The following FIG4 variants were observed in gnomAD, a reference collection of about 807,000 sequenced individuals.
The protein encoded by FIG4 is polyphosphoinositide phosphatase.
FIG4 carries 112 observed loss-of-function variants against 118.6 expected under a neutral mutation model. The ratio of observed to expected loss-of-function variants is 0.94; its 90% confidence interval spans 0.81 to 1.11. The LOEUF is 1.11. Among genes scored for constraint, FIG4 ranks in the 50% least tolerant of loss-of-function variants. The pLI is 0.00. For synonymous variants in FIG4, 369 were observed against 381.2 expected (o/e 0.97, Z 0.37); for missense variants, 969 against 1,111.7 (o/e 0.87, Z 1.83).
At chr6:109,821,925 A>C (rs1779017128) in intron 22 of FIG4, among the ~76,000 whole-genome samples, 1 of 152,176 alleles carries the variant, frequency 6.6e-6, no homozygotes, top group African/African-American at 2.4e-5. Flanking sequence ...CTGTAATCCC[A>C]GCACTTTGGG....
chr6:109,806,024 G>A (rs1778554921), intron 22 of FIG4, among the ~76,000 whole-genome samples: 1 of 152,010 alleles, frequency 6.6e-6, no homozygotes, highest in South Asian at 2.1e-4. Flanking sequence ...ATGTCTTTTT[G>A]ACAGCTCTAC....
intron 6 of FIG4, among the ~76,000 whole-genome samples, chr6:109,736,569 C>T (rs1776164834): frequency 6.6e-6 from 1 of 152,130 alleles, no homozygotes. Context: ...ATTTGTAATA[C>T]AAAAGCTGAA....
At chr6:109,699,705 T>C (rs1406921887) in intron 1 of FIG4, among the ~76,000 whole-genome samples, 1 of 152,140 alleles carries the variant, frequency 6.6e-6, no homozygotes, top group Non-Finnish European at 1.5e-5. Context: ...GATTTCACCA[T>C]GTTGGCTAGC....
At chr6:109,786,490 T>C in intron 18 of FIG4, 41 bp downstream of exon 18, 5 of 1,608,066 alleles carry the variant, frequency 3.1e-6, no homozygotes, top group Non-Finnish European at 4.3e-6. Flanking sequence ...ATTTGAGAAC[T>C]GTAGTTTTCC....
chr6:109,759,327 T>C (rs1777026560), intron 10 of FIG4, among the ~76,000 whole-genome samples: 1 of 152,138 alleles, frequency 6.6e-6, no homozygotes, highest in Non-Finnish European at 1.5e-5. Flanking sequence ...GATATTGGGC[T>C]GATGGATGCA....
chr6:109,791,011 A>G (rs1398299588), intron 19 of FIG4, among the ~76,000 whole-genome samples: 1 of 152,196 alleles, frequency 6.6e-6, no homozygotes, highest in Non-Finnish European at 1.5e-5. Flanking sequence ...TTTATGAGTT[A>G]CAGCTAATTT....
intron 22 of FIG4, 108 bp downstream of exon 22, chr6:109,796,959 A>G: frequency 1.4e-6 from 1 of 740,500 alleles, no homozygotes; most frequent in Non-Finnish European, 2.4e-6. Flanking sequence ...CCAAATTAGT[A>G]TAAGCACCAA....
rs72384711 is a variant in FIG4, at chr6:109,795,595, CTTTT to C, written c.2460-1147_2460-1144del. Among the ~76,000 whole-genome samples, 27 of 69,534 alleles carry C rather than the reference CTTTT, an allele frequency of 3.9e-4. No homozygotes were observed. The East Asian group carries it at 0.011, about 28-fold the overall frequency. 45.6% of individuals were successfully genotyped at this position (69,534 alleles called of 152,430 possible). A position where few individuals can be genotyped will look rare whatever the true frequency, so the allele number is the denominator to read the frequency against. Reference sequence around the variant, plus strand: ...GAAATCTGTTCTTTTGGTTTCAGTCCTTTTTTTTTTTTTTTTTTTTTTTTTTGAG... The same window carrying C: ...GAAATCTGTTCTTTTGGTTTCAGTCCTTTTTTTTTTTTTTTTTTTTTTGAG... On this transcript the variant is annotated intron_variant, in intron 21 of 22. Coordinates refer to ENST00000230124, the MANE Select transcript of FIG4 (RefSeq NM_014845.6).
At chr6:109,728,386 C>T (rs150086657) in intron 4 of FIG4, among the ~76,000 whole-genome samples, 4 of 151,818 alleles carry the variant, frequency 2.6e-5, no homozygotes, top group East Asian at 1.9e-4. Context: ...ACCTTGGAAA[C>T]GTGGGAAAAG....
chr6:109,802,333 A>G (rs538427298), intron 22 of FIG4, among the ~76,000 whole-genome samples: 2 of 152,328 alleles, frequency 1.3e-5, no homozygotes, highest in East Asian at 3.9e-4. Context: ...AAAAAAATAC[A>G]GTAATTACTC....
chr6:109,768,399 C>T (rs776496938), intron 15 of FIG4, among the ~76,000 whole-genome samples: 33 of 152,172 alleles, frequency 2.2e-4, no homozygotes, highest in Non-Finnish European at 4.4e-4. Context: ...AGAGAGTTTG[C>T]AAAGCTGGTC....
chr6:109,732,670 T>C lies in FIG4; in HGVS notation c.480T>C (p.Ser160=). ...GAATATTTCAAAATGTGGACCTATCTAGCAATTTTTACTTTAGGTAAGTGT... is the reference window on the plus strand; with the variant it reads ...GAATATTTCAAAATGTGGACCTATCCAGCAATTTTTACTTTAGGTAAGTGT... ...YLRIFQNVDL[S]SNFYFSYSYD... Residue 160 remains serine, a synonymous_variant, in exon 5 of 23, where the codon TCT becomes TCC. Transcript: ENST00000230124. 6.5e-7 allele frequency: 1 copy of C among 1,528,768 alleles called. No individual in the cohort carries two copies. The highest frequency in any genetic ancestry group is 9.0e-7 in the Non-Finnish European group (1 of 1,110,064). 94.7% of individuals were successfully genotyped at this position (1,528,768 alleles called of 1,614,324 possible).
Position 109,762,198 on chromosome 6 carries a change from C to T in FIG4, c.1379C>T (p.Pro460Leu). Residue 460 changes from proline to leucine, a missense_variant, in exon 12 of 23, where the codon CCA becomes CTA. Physicochemically the swap from Pro to Leu is moderately conservative, Grantham distance 98. This residue lies in a region of FIG4 where 246 missense variants were observed against 354.3 expected (regional missense o/e 0.69). Transcript: ENST00000230124. ...GATTCTTACTGTAGCATTTTGCGGC[C>T]AGATGAAAAGTATGTATGGTATTTT... ...RPDSYCSILR[P>L]DEKWNELGGC... is the part of the protein sequence containing the mutation. 1 of 1,594,992 alleles carries T rather than the reference C, an allele frequency of 6.3e-7. No homozygotes were observed. The highest frequency in any genetic ancestry group is 1.7e-4 in the Middle Eastern group (1 of 6,024).
At chr6:109,813,915 T>C (rs1297316609) in intron 22 of FIG4, among the ~76,000 whole-genome samples, 3 of 152,180 alleles carry the variant, frequency 2.0e-5, no homozygotes, top group East Asian at 1.9e-4. Flanking sequence ...CGTTAAGCCT[T>C]GAGTTGACAG....
chr6:109,776,064 A>T (rs995274464), intron 15 of FIG4, among the ~76,000 whole-genome samples: 2 of 152,206 alleles, frequency 1.3e-5, no homozygotes, highest in Admixed American at 6.5e-5. Flanking sequence ...ACTTCAATAT[A>T]CAGGGCTCTG....
intron 1 of FIG4, among the ~76,000 whole-genome samples, chr6:109,710,917 A>G: frequency 6.6e-6 from 1 of 152,072 alleles, no homozygotes; most frequent in East Asian, 1.9e-4. Context: ...TTTAAAAAAA[A>G]AAAATAGCTG....
At position 109,773,962 on chromosome 6, in the gene FIG4, C is replaced by T. The variant is rs149524160; in HGVS notation, c.1751-2960C>T. Among the ~76,000 whole-genome samples, 724 of 152,238 alleles carry T rather than the reference C, an allele frequency of 4.8e-3. 3 individuals carry two copies. The highest frequency in any genetic ancestry group is 0.015 in the African/African-American group (631 of 41,556). ...TAGCTGGGACTATAGGCGTGTGCCA[C>T]CATGCCCAGCTCATATTTTTTATTA... On this transcript the variant is annotated intron_variant, in intron 15 of 22. Transcript: ENST00000230124.
chr6:109,725,251 C>G (rs959074972), intron 3 of FIG4, among the ~76,000 whole-genome samples: 6 of 152,082 alleles, frequency 3.9e-5, no homozygotes, highest in African/African-American at 1.4e-4. Context: ...CTCTTCCTCT[C>G]CTTGCCCCCA....
chr6:109,788,549 C>G (rs1281624161), intron 18 of FIG4, among the ~76,000 whole-genome samples: 4 of 152,224 alleles, frequency 2.6e-5, no homozygotes, highest in African/African-American at 4.8e-5. Context: ...TTTCACCACT[C>G]TGTACATGCA....
Sources: gnomAD v4.1 joint callset for allele counts (sites outside exome capture counted in the v4.1 genomes callset) on GRCh38, gnomAD v4.1.1 for gene constraint, gnomAD v4.1.1 regional missense constraint, MANE v1.5 for transcripts, NCBI Gene and HGNC (gene_info 2026-07-23, HGNC 2026-07-21) for gene names.